Variants in VWF observed in about 807,000 individuals in gnomAD.
The protein encoded by VWF is Factor VIII related antigen.
VWF carries 176 observed loss-of-function variants against 308.6 expected under a neutral mutation model. The observed-to-expected ratio is 0.57, with a 90% CI of 0.50 to 0.65. VWF has a LOEUF of 0.65. Among genes scored for constraint, VWF ranks in the 30% least tolerant of loss-of-function variants. VWF has a pLI of 0.00. For synonymous variants in VWF, 1,385 were observed against 1,443.4 expected (o/e 0.96, Z 0.92); for missense variants, 3,146 against 3,648.2 (o/e 0.86, Z 3.55).
chr12:5,968,668 C>T (rs572999975), intron 45 of VWF, among the ~76,000 whole-genome samples: 12 of 152,104 alleles, frequency 7.9e-5, no homozygotes, highest in Admixed American at 1.3e-4. Flanking sequence ...TGGTGGCGCA[C>T]GCCTGTAATC....
intron 34 of VWF, among the ~76,000 whole-genome samples, chr12:6,000,760 C>G (rs1338852995): frequency 7.4e-6 from 1 of 135,664 alleles, no homozygotes; most frequent in Non-Finnish European, 1.5e-5. Flanking sequence ...TGCAGTGAGC[C>G]GAGATCGCGC....
chr12:6,023,619 G>A lies in VWF; in HGVS notation c.3379+12C>T, dbSNP rs374393996. The A allele has an allele frequency of 5.6e-5, 90 of 1,613,544 alleles. No homozygotes were observed. Among genetic ancestry groups the A allele is most frequent in the South Asian group, 3.1e-4 (28 of 90,806 alleles). On this transcript the variant is annotated intron_variant, in intron 25 of 51. Coordinates refer to ENST00000261405, the MANE Select transcript of VWF (RefSeq NM_000552.5). Reference sequence around the variant, plus strand: ...GGAGGGCATCTGAGAACATGAGGGCGTCAGTACTCACGGCACAATGTGGCC... The same window carrying A: ...GGAGGGCATCTGAGAACATGAGGGCATCAGTACTCACGGCACAATGTGGCC...
At chr12:6,035,598 G>A (rs1282183853) in intron 19 of VWF, among the ~76,000 whole-genome samples, 2 of 152,164 alleles carry the variant, frequency 1.3e-5, no homozygotes, top group African/African-American at 4.8e-5. Flanking sequence ...AAGGAAAAGG[G>A]AGAAGGCAAC....
chr12:6,031,374 T>G, intron 21 of VWF, 70 bp downstream of exon 21: 1 of 1,613,754 alleles, frequency 6.2e-7, no homozygotes, highest in South Asian at 1.1e-5. Flanking sequence ...AATGAATGCT[T>G]GGAAAATGTT....
intron 18 of VWF, among the ~76,000 whole-genome samples, chr12:6,038,620 T>C (rs17419697): frequency 0.21 from 32,600 of 152,164 alleles, 3,691 homozygotes; most frequent in Non-Finnish European, 0.25. Context: ...GAGATAACAA[T>C]GCCATGACTG....
intron 42 of VWF, among the ~76,000 whole-genome samples, chr12:5,978,486 A>G (rs1342852690): frequency 6.6e-6 from 1 of 152,138 alleles, no homozygotes; most frequent in East Asian, 1.9e-4. Context: ...CTGGTCTTGA[A>G]CTCCCAACTT....
intron 6 of VWF, among the ~76,000 whole-genome samples, chr12:6,094,448 A>G (rs1328432040): frequency 6.6e-6 from 1 of 152,176 alleles, no homozygotes; most frequent in African/African-American, 2.4e-5. Context: ...TCTATCGGTA[A>G]AATTTCAGAC....
At position 6,032,506 on chromosome 12, in the gene VWF, C is replaced by T. The variant is rs545353650; in HGVS notation, c.2686-928G>A. ...ACAAAAAATTAGCCGGGCGTGGTGG[C>T]GGGCGCCTGTAGTCCCAGCTACTAG... On this transcript the variant is annotated intron_variant, in intron 20 of 51. Transcript: ENST00000261405. Among the ~76,000 whole-genome samples the T allele has an allele frequency of 1.3e-4, 20 of 150,070 alleles. 1 individual carries two copies. Among genetic ancestry groups the T allele is most frequent in the Admixed American group, 1.1e-3 (16 of 15,056 alleles).
chr12:5,975,991 G>T lies in VWF; in HGVS notation c.7437+120C>A, dbSNP rs1943528574. 2.1e-6 allele frequency: 3 copies of T among 1,421,974 alleles called. No homozygotes were observed. The East Asian group carries it at 7.4e-5, about 35-fold the overall frequency. The allele number at this position is 1,421,974 out of a possible 1,614,324, so 88.1% of individuals were successfully genotyped here. On this transcript the variant is annotated intron_variant, in intron 43 of 51. Coordinates refer to ENST00000261405, the MANE Select transcript of VWF (RefSeq NM_000552.5). ...AGATTGTGCCACTGCACTCCAGCCT[G>T]GGCGACAGAGCGAGTCTCCATTTCA...
chr12:6,035,920 C>A (rs1944331766), intron 19 of VWF, among the ~76,000 whole-genome samples: 1 of 152,218 alleles, frequency 6.6e-6, no homozygotes, highest in Non-Finnish European at 1.5e-5. Context: ...GTTCAATGTA[C>A]ACAAAACTTT....
intron 5 of VWF, among the ~76,000 whole-genome samples, chr12:6,105,535 C>A (rs2136514881): frequency 6.6e-6 from 1 of 152,074 alleles, no homozygotes; most frequent in South Asian, 2.1e-4. Context: ...CACGCCCGGC[C>A]TTATACAAAT....
chr12:6,117,336 G>T (rs1254399415), intron 3 of VWF, among the ~76,000 whole-genome samples: 1 of 152,172 alleles, frequency 6.6e-6, no homozygotes, highest in East Asian at 1.9e-4. Flanking sequence ...GGTGGCCCGA[G>T]AGGCCAGACC....
At chr12:5,997,151 G>A (rs1943816188) in intron 34 of VWF, among the ~76,000 whole-genome samples, 2 of 152,136 alleles carry the variant, frequency 1.3e-5, no homozygotes, top group Admixed American at 6.5e-5. Context: ...ACTGACAAAT[G>A]ATGGGTCTGG....
chr12:6,071,715 G>A (rs1272535600), intron 9 of VWF, among the ~76,000 whole-genome samples: 1 of 152,226 alleles, frequency 6.6e-6, no homozygotes, highest in East Asian at 1.9e-4. Flanking sequence ...GAAGTGTGGT[G>A]GGCGGTGGCC....
intron 5 of VWF, among the ~76,000 whole-genome samples, chr12:6,096,611 A>C (rs1945108411): frequency 6.6e-6 from 1 of 152,264 alleles, no homozygotes; most frequent in African/African-American, 2.4e-5. Context: ...TGAAGGTAAG[A>C]ATATGACATG....
In VWF at chr12:6,122,512, G is replaced by A. The variant is rs75122740; in HGVS notation, c.55+630C>T. Among the ~76,000 whole-genome samples the A allele has an allele frequency of 2.2e-3, 337 of 152,324 alleles. 5 individuals are homozygous for A. Among genetic ancestry groups the A allele is most frequent in the African/African-American group, 7.8e-3 (326 of 41,576 alleles). On this transcript the variant is annotated intron_variant, in intron 2 of 51. Coordinates refer to ENST00000261405, the MANE Select transcript of VWF (RefSeq NM_000552.5). Reference sequence around the variant, plus strand: ...CGGCAAAAGACCCACCTAGTAGGAAGATGCAGAGAGTGTGACAAATGTGTA... The same window carrying A: ...CGGCAAAAGACCCACCTAGTAGGAAAATGCAGAGAGTGTGACAAATGTGTA...
At chr12:6,065,328 G>A in intron 10 of VWF, 55 bp from the exon 11 acceptor site, 1 of 1,607,864 alleles carries the variant, frequency 6.2e-7, no homozygotes, top group Non-Finnish European at 8.5e-7. Context: ...CTTCCCCTGG[G>A]GTGGCCAAGG....
chr12:6,057,930 C>A lies in VWF; in HGVS notation c.1648G>T (p.Gly550Trp). 1 of 1,613,688 alleles carries A rather than the reference C, an allele frequency of 6.2e-7. No homozygotes were observed. The highest frequency in any genetic ancestry group is 8.5e-7 in the Non-Finnish European group (1 of 1,179,982). The part of the protein sequence containing the change: ...GLAEPRVEDF[G>W]NAWKLHGDCQ... Reference sequence around the variant, plus strand: ...TCCCCGTGCAGCTTCCAGGCGTTCCCGAAGTCCTCCACCCGGGGCTCCGCC... The same window carrying A: ...TCCCCGTGCAGCTTCCAGGCGTTCCAGAAGTCCTCCACCCGGGGCTCCGCC... The change falls in exon 14 of 52, where the codon GGG (glycine) becomes TGG (tryptophan). Residue 550 changes from glycine to tryptophan, a missense_variant. Transcript: ENST00000261405.
chr12:5,967,342 G>C (rs1943414517), intron 47 of VWF, 144 bp downstream of exon 47: 5 of 779,644 alleles, frequency 6.4e-6, no homozygotes. Context: ...GTGATTTTTA[G>C]TCTCTTCTTT....
Sources: gnomAD v4.1 joint callset for allele counts (sites outside exome capture counted in the v4.1 genomes callset) on GRCh38, gnomAD v4.1.1 for gene constraint, MANE v1.5 for transcripts, NCBI Gene and HGNC (gene_info 2026-07-23, HGNC 2026-07-21) for gene names.